The following NEDD4 variants were observed in gnomAD, a reference collection of about 807,000 sequenced individuals.
The protein encoded by NEDD4 is NEDD4 E3 ubiquitin protein ligase.
A neutral mutation model predicts 144.9 loss-of-function variants in NEDD4; 99 were observed. The ratio of observed to expected loss-of-function variants is 0.68; its 90% confidence interval spans 0.58 to 0.81. The LOEUF is 0.81. Among genes scored for constraint, NEDD4 ranks in the 30% least tolerant of loss-of-function variants. NEDD4 has a pLI of 0.00. For missense variants in NEDD4, 985 were observed against 1,065.9 expected, an observed-to-expected ratio of 0.92 and a Z score of 1.06; for synonymous variants, 318 against 350.6, an observed-to-expected ratio of 0.91 and a Z score of 1.04.
At chr15:55,979,375 C>A in intron 1 of NEDD4, among the ~76,000 whole-genome samples, 1 of 108,466 alleles carries the variant, frequency 9.2e-6, no homozygotes. Context: ...GAGACGGAGT[C>A]TCGCTCTGTC....
rs60338644 is a variant in NEDD4, at chr15:55,940,518, T to TTCTCTCTCTCTCTCTCTCTCTCTCTC, written c.237+10832_237+10857dup. On this transcript the variant is annotated intron_variant, in intron 4 of 28. Coordinates refer to ENST00000435532, the MANE Select transcript of NEDD4 (RefSeq NM_006154.4). ...CTCCTTCCTCCTTCCCTCCTCCCCCTTCTCTCTCTCTCTCTCTCTCTCTCT... is the reference window on the plus strand; with the variant it reads ...CTCCTTCCTCCTTCCCTCCTCCCCCTTCTCTCTCTCTCTCTCTCTCTCTCTCTCTCTCTCTCTCTCTCTCTCTCTCT... Among the ~76,000 whole-genome samples the TTCTCTCTCTCTCTCTCTCTCTCTCTC allele has an allele frequency of 3.9e-3, 411 of 106,200 alleles. 21 individuals are homozygous for TTCTCTCTCTCTCTCTCTCTCTCTCTC. The highest frequency in any genetic ancestry group is 0.012 in the East Asian group (38 of 3,282). The allele number at this position is 106,200 out of a possible 152,430, so 69.7% of individuals were successfully genotyped here. A position where few individuals can be genotyped will look rare whatever the true frequency, so the allele number is the denominator to read the frequency against.
At chr15:55,942,422 C>G (rs937737531) in intron 4 of NEDD4, among the ~76,000 whole-genome samples, 1 of 152,122 alleles carries the variant, frequency 6.6e-6, no homozygotes, top group Non-Finnish European at 1.5e-5. Flanking sequence ...GGGAGGTGAC[C>G]GGATCACGGA....
intron 11 of NEDD4, among the ~76,000 whole-genome samples, chr15:55,858,990 G>T (rs1208874840): frequency 6.6e-6 from 1 of 152,198 alleles, no homozygotes; most frequent in Non-Finnish European, 1.5e-5. Flanking sequence ...GTTGTAGTTT[G>T]CTTTCCTCTG....
chr15:55,884,698 C>T (rs2035323808), intron 5 of NEDD4, among the ~76,000 whole-genome samples: 1 of 151,762 alleles, frequency 6.6e-6, no homozygotes. Context: ...CAGAATTTAT[C>T]AAGCAGAAGA....
At chr15:55,864,687 G>GAAAAAAA (rs57833326) in intron 8 of NEDD4, among the ~76,000 whole-genome samples, 2 of 126,266 alleles carry the variant, frequency 1.6e-5, no homozygotes, top group Non-Finnish European at 1.7e-5. Flanking sequence ...TGTCTCATAA[G>GAAAAAAA]AAAAAAAAAA....
chr15:55,897,182 C>T (rs1167620914), intron 5 of NEDD4, among the ~76,000 whole-genome samples: 1 of 152,032 alleles, frequency 6.6e-6, no homozygotes, highest in Non-Finnish European at 1.5e-5. Flanking sequence ...ACTGTGTTAC[C>T]CAGGATGGTC....
At chr15:55,968,159 T>C (rs1049320249) in intron 1 of NEDD4, among the ~76,000 whole-genome samples, 5 of 152,120 alleles carry the variant, frequency 3.3e-5, no homozygotes, top group Non-Finnish European at 5.9e-5. Flanking sequence ...AATTTTTTCA[T>C]GGATCTTTAC....
At position 55,883,301 on chromosome 15, in the gene NEDD4, T is replaced by G. The variant is rs1465550265; in HGVS notation, c.292-9293A>C. 1.3e-3 allele frequency among the ~76,000 whole-genome samples: 197 copies of G among 152,124 alleles called. 1 individual carries two copies. Among genetic ancestry groups the G allele is most frequent in the African/African-American group, 4.7e-3 (194 of 41,488 alleles). On this transcript the variant is annotated intron_variant, in intron 5 of 28. Coordinates refer to ENST00000435532, the MANE Select transcript of NEDD4 (RefSeq NM_006154.4). ...AGTGGCCACGGAGAGACTCTGCCTG[T>G]GGAAAGAGAAGGGAAGAGTGGGAAG...
At chr15:55,848,452 A>C in intron 16 of NEDD4, 22 bp from the exon 17 acceptor site, 3 of 1,613,846 alleles carry the variant, frequency 1.9e-6, no homozygotes, top group Non-Finnish European at 2.5e-6. Flanking sequence ...AAAAAGAAAA[A>C]AGATGTACTT....
chr15:55,890,641 T>C (rs2035541665), intron 5 of NEDD4, among the ~76,000 whole-genome samples: 1 of 152,214 alleles, frequency 6.6e-6, no homozygotes, highest in African/African-American at 2.4e-5. Flanking sequence ...ACTATGAACA[T>C]TTGAGTAAAA....
intron 27 of NEDD4, among the ~76,000 whole-genome samples, chr15:55,831,696 C>T (rs2032958060): frequency 6.6e-6 from 1 of 152,178 alleles, no homozygotes; most frequent in Non-Finnish European, 1.5e-5. Context: ...GCTTGGCAAG[C>T]TGACCAGATT....
intron 8 of NEDD4, among the ~76,000 whole-genome samples, chr15:55,868,567 T>A (rs888682255): frequency 5.3e-5 from 8 of 152,108 alleles, no homozygotes; most frequent in African/African-American, 1.9e-4. Flanking sequence ...TGGCACACAC[T>A]CTCTTGCCTG....
chr15:55,993,487 C>T (rs1207329852), intron 1 of NEDD4, 24 bp downstream of exon 1: 2 of 1,593,834 alleles, frequency 1.3e-6, no homozygotes, highest in Non-Finnish European at 1.7e-6. Context: ...GGAAGCCCGC[C>T]CCGCAGCCCC....
intron 21 of NEDD4, among the ~76,000 whole-genome samples, chr15:55,840,188 A>G (rs1244084488): frequency 6.6e-6 from 1 of 151,306 alleles, no homozygotes; most frequent in Non-Finnish European, 1.5e-5. Context: ...ACTGATGGAT[A>G]GACAGATAGG....
At chr15:55,985,138 A>G (rs1163437411) in intron 1 of NEDD4, among the ~76,000 whole-genome samples, 1 of 152,242 alleles carries the variant, frequency 6.6e-6, no homozygotes, top group Non-Finnish European at 1.5e-5. Flanking sequence ...TGCTCACCCT[A>G]AATGATTTAT....
Position 55,828,890 on chromosome 15 carries a change from C to T in NEDD4, c.*1007G>A, listed in dbSNP as rs1312964133. On this transcript the variant is annotated 3_prime_UTR_variant, in exon 29 of 29. Transcript: ENST00000435532. ...ATTTGGTTTTTTTACTAGAGTGATA[C>T]TAAAAATATAAAAATGCGACTACAG... is the stretch of plus-strand genomic sequence containing the variant. The T allele has an allele frequency of 2.6e-5, 4 of 152,394 alleles. No individual in the cohort carries two copies. Among genetic ancestry groups the T allele is most frequent in the Non-Finnish European group, 5.9e-5 (4 of 68,000 alleles). 9.4% of individuals were successfully genotyped at this position (152,394 alleles called of 1,614,324 possible).
At position 55,869,637 on chromosome 15, in the gene NEDD4, TA is replaced by T; in HGVS notation, c.448del (p.Tyr150IlefsTer19). 1.3e-6 allele frequency: 2 copies of T among 1,580,784 alleles called. No individual in the cohort carries two copies. The highest frequency in any genetic ancestry group is 2.3e-5 in the East Asian group (1 of 43,738). ...TTCTGAGCCACTGGTTTTAGGTAAA[TA>T]AGTCATTTTTAGTCTCAGATAACCT... ...VKGYLRLKMT[Y>X]LPKTSGSEDD... On this transcript the variant is annotated frameshift_variant, in exon 8 of 29. Coordinates refer to ENST00000435532, the MANE Select transcript of NEDD4 (RefSeq NM_006154.4). LOFTEE classifies it high-confidence loss of function.
Position 55,846,989 on chromosome 15 carries a change from G to A in NEDD4, c.1588C>T (p.Arg530Ter), listed in dbSNP as rs948239154. The change falls in exon 18 of 29, where the codon CGA becomes TGA. Residue 530 changes from arginine (R) to a stop codon, truncating the protein, a stop_gained. Coordinates refer to ENST00000435532, the MANE Select transcript of NEDD4 (RefSeq NM_006154.4). LOFTEE classifies it high-confidence loss of function. Reference sequence around the variant, plus strand: ...CTAACCTGCTTCTTCAACTTTCTTCGGAAGAACTCATACTTTCTTTTGTAA... The same window carrying A: ...CTAACCTGCTTCTTCAACTTTCTTCAGAAGAACTCATACTTTCTTTTGTAA... ...RDYKRKYEFF[R>*]RKLKKQNDIP... The A allele has an allele frequency of 1.2e-6, 2 of 1,608,156 alleles. No homozygotes were observed. Among genetic ancestry groups the A allele is most frequent in the Non-Finnish European group, 1.7e-6 (2 of 1,175,942 alleles).
rs111937337 is a variant in NEDD4 at position 55,937,304 on chromosome 15, C to T, written c.238-12605G>A. Among the ~76,000 whole-genome samples, 28 of 152,246 alleles carry T rather than the reference C, an allele frequency of 1.8e-4. 2 individuals carry two copies. The highest frequency in any genetic ancestry group is 6.3e-4 in the African/African-American group (26 of 41,536). ...TCAACAGACATTTTTATGGCGAATA[C>T]ATTCAGTTCAAAACATTCTGGGCTA... On this transcript the variant is annotated intron_variant, in intron 4 of 28. Transcript: ENST00000435532.
Sources: gnomAD v4.1 joint callset for allele counts (sites outside exome capture counted in the v4.1 genomes callset) on GRCh38, gnomAD v4.1.1 for gene constraint, MANE v1.5 for transcripts, NCBI Gene and HGNC (gene_info 2026-07-23, HGNC 2026-07-21) for gene names.